ZGLP1: variants seen among roughly 807,000 people sequenced by gnomAD.
The protein encoded by ZGLP1 is zinc finger GATA like protein 1.
ZGLP1 carries 11 observed loss-of-function variants against 21.4 expected under a neutral mutation model. The observed-to-expected ratio is 0.51, with a 90% CI of 0.32 to 0.85. ZGLP1 has a LOEUF of 0.85. Among genes scored for constraint, ZGLP1 ranks in the 40% least tolerant of loss-of-function variants. ZGLP1 has a pLI of 0.03. For missense variants in ZGLP1, 295 were observed against 355.6 expected (o/e 0.83, Z 1.37); for synonymous variants, 148 against 145.0 (o/e 1.02, Z -0.15).
exon 4 of ZGLP1, chr19:10,304,893 A>T (rs953222740): frequency 1.7e-6 from 1 of 586,012 alleles, no homozygotes; most frequent in Non-Finnish European, 3.0e-6. Flanking sequence ...GCCAAGGCTG[A>T]CTGGAGAAGG....
At chr19:10,306,017 A>G (rs945577568) in intron 1 of ZGLP1, 65 bp from the exon 3 acceptor site, 2 of 1,226,748 alleles carry the variant, frequency 1.6e-6, no homozygotes, top group African/African-American at 3.0e-5. Flanking sequence ...AGCCCTCCGA[A>G]ATGAAGATTT....
chr19:10,306,592 T>C (rs2040281219), intron 1 of ZGLP1, among the ~76,000 whole-genome samples: 1 of 151,958 alleles, frequency 6.6e-6, no homozygotes, highest in Admixed American at 6.6e-5. Context: ...CTTTGAAAAT[T>C]TGATTTATTG....
Position 10,305,286 on chromosome 19 carries a change from C to A in ZGLP1, c.699-78G>T. The A allele has an allele frequency of 6.4e-7, 1 of 1,567,440 alleles. No individual in the cohort carries two copies. Reference sequence around the variant, plus strand: ...ACCGCCACAAGGAAACCACTTTTCCCAAGAGGTAGGTGTTTTGCTTTTTGC... The same window carrying A: ...ACCGCCACAAGGAAACCACTTTTCCAAAGAGGTAGGTGTTTTGCTTTTTGC... On this transcript the variant is annotated intron_variant, in intron 3 of 3. Coordinates refer to ENST00000403903, the Ensembl canonical transcript of ZGLP1. The surrounding 1 kb of genome is among the most constrained non-coding windows in gnomAD (Gnocchi z 4.7).
exon 1 of ZGLP1, chr19:10,308,663 C>G (rs1213691515): frequency 6.7e-7 from 1 of 1,496,862 alleles, no homozygotes; most frequent in East Asian, 2.3e-5. Context: ...GCTACACACC[C>G]CACCTGAGGT....
In ZGLP1 at chr19:10,305,335, A is replaced by G; in HGVS notation, c.698+55T>C. ...GCTTTCCCCACAGGCCATCCTGGTT[A>G]CACGTGGACTGATTTGGGGACCCCC... On this transcript the variant is annotated intron_variant, in intron 3 of 3. Transcript: ENST00000403903. This position sits in a 1 kb window ranked among gnomAD's most constrained non-coding sequence, Gnocchi z 4.7. The G allele has an allele frequency of 6.5e-7, 1 of 1,540,620 alleles. No individual in the cohort carries two copies. The highest frequency in any genetic ancestry group is 1.2e-5 in the South Asian group (1 of 85,724).
intron 1 of ZGLP1, among the ~76,000 whole-genome samples, chr19:10,307,882 A>G (rs1291455870): frequency 6.6e-6 from 1 of 152,206 alleles, no homozygotes; most frequent in East Asian, 1.9e-4. Context: ...TGTTGTCACT[A>G]CCAACAAATA....
At position 10,305,580 on chromosome 19, in the gene ZGLP1, A is replaced by G; in HGVS notation, c.605-97T>C. 9.4e-7 allele frequency: 1 copy of G among 1,060,262 alleles called. No individual in the cohort carries two copies. Among genetic ancestry groups the G allele is most frequent in the Non-Finnish European group, 1.4e-6 (1 of 708,384 alleles). 65.7% of individuals were successfully genotyped at this position (1,060,262 alleles called of 1,614,324 possible). A position where few individuals can be genotyped will look rare whatever the true frequency, so the allele number is the denominator to read the frequency against. ...GGGCATTTTGTGGGGGTCTCAGTAAAGGCCCCACCTAGCTCTGGATCAGCC... is the reference window on the plus strand; with the variant it reads ...GGGCATTTTGTGGGGGTCTCAGTAAGGGCCCCACCTAGCTCTGGATCAGCC... On this transcript the variant is annotated intron_variant, in intron 2 of 3. Coordinates refer to ENST00000403903, the Ensembl canonical transcript of ZGLP1. The surrounding 1 kb of genome is among the most constrained non-coding windows in gnomAD (Gnocchi z 4.7).
Position 10,305,769 on chromosome 19 carries a change from G to A in ZGLP1, c.604+77C>T. The A allele has an allele frequency of 8.4e-7, 1 of 1,191,088 alleles. No homozygotes were observed. The highest frequency in any genetic ancestry group is 1.2e-6 in the Non-Finnish European group (1 of 819,400). The allele number at this position is 1,191,088 out of a possible 1,614,324, so 73.8% of individuals were successfully genotyped here. On this transcript the variant is annotated intron_variant, in intron 2 of 3. Transcript: ENST00000403903. This position sits in a 1 kb window ranked among gnomAD's most constrained non-coding sequence, Gnocchi z 4.7. ...AATGGGGAAGCAAGATGGAGAAGGG[G>A]GGGGCAGGGAGAAAGGCAGGGAAGA...
At position 10,307,049 on chromosome 19, in the gene ZGLP1, G is replaced by A. The variant is rs558545204; in HGVS notation, c.498-1097C>T. On this transcript the variant is annotated intron_variant, in intron 1 of 3. Coordinates refer to ENST00000403903, the Ensembl canonical transcript of ZGLP1. ...CTCCAGAGGCTGAGGCAGGAGAATC[G>A]TTTGAATCCGGGAGGCAGAGGTTGC... Among the ~76,000 whole-genome samples, 13 of 151,226 alleles carry A rather than the reference G, an allele frequency of 8.6e-5. No homozygotes were observed. The South Asian group carries it at 2.3e-3, about 27-fold the overall frequency.
exon 1 of ZGLP1, chr19:10,308,414 G>C (rs760611115): frequency 1.2e-6 from 2 of 1,608,972 alleles, no homozygotes; most frequent in African/African-American, 1.3e-5. Flanking sequence ...AGGCGGCCCT[G>C]AGTCCCCAGA....
Position 10,306,877 on chromosome 19 carries a change from T to C in ZGLP1, c.498-925A>G, listed in dbSNP as rs534869349. On this transcript the variant is annotated intron_variant, in intron 1 of 3. Coordinates refer to ENST00000403903, the Ensembl canonical transcript of ZGLP1. ...CAGGCATGGTGGCGGCTCACTCCTGTAATCCCAACACTTTGGGAGGGCAAG... is the reference window on the plus strand; with the variant it reads ...CAGGCATGGTGGCGGCTCACTCCTGCAATCCCAACACTTTGGGAGGGCAAG... Among the ~76,000 whole-genome samples the C allele has an allele frequency of 3.3e-5, 5 of 152,178 alleles. No individual in the cohort carries two copies. The South Asian group carries it at 1.0e-3, about 32-fold the overall frequency.
intron 1 of ZGLP1, among the ~76,000 whole-genome samples, chr19:10,307,598 T>C (rs1461295391): frequency 2.6e-5 from 4 of 151,312 alleles, no homozygotes; most frequent in Non-Finnish European, 5.9e-5. Context: ...TACTGAAGAC[T>C]TCACCTCCTG....
At chr19:10,309,784 G>A (rs2040304541) in exon 1 of ZGLP1, 3 of 152,236 alleles carry the variant, frequency 2.0e-5, no homozygotes, top group Admixed American at 1.3e-4. Flanking sequence ...GGGCTCCCAG[G>A]CCTCTGCCTT....
rs1377171140 is a variant in ZGLP1, at chr19:10,305,724, A to T, written c.604+122T>A. The T allele has an allele frequency of 1.2e-6, 1 of 823,958 alleles. No individual in the cohort carries two copies. 51.0% of individuals were successfully genotyped at this position (823,958 alleles called of 1,614,324 possible). ...AGCCCAAGTGGAGGGGGGTGCTGCG[A>T]CTCCTCCCTGAGGGCTCTAAATGGG... On this transcript the variant is annotated intron_variant, in intron 2 of 3. Coordinates refer to ENST00000403903, the Ensembl canonical transcript of ZGLP1. This position sits in a 1 kb window ranked among gnomAD's most constrained non-coding sequence, Gnocchi z 4.7.
chr19:10,307,348 T>A (rs1163947137), intron 1 of ZGLP1, among the ~76,000 whole-genome samples: 1 of 17,668 alleles, frequency 5.7e-5, no homozygotes, highest in Non-Finnish European at 1.4e-4. Context: ...TCCCAAAGCT[T>A]TTTTTTTTTT....
chr19:10,305,894 C>A lies in ZGLP1; in HGVS notation c.556G>T (p.Ala186Ser), dbSNP rs967922538. ...TGGGCCTCGGTGCCTCCTGGGTGGG[C>A]TGCAGGGCCCCCAACAGCATCTGCA... Residue 186 changes from alanine to serine, a missense_variant, in exon 2 of 4, where the codon GCC (alanine) becomes TCC (serine). Ala to Ser is a moderately conservative substitution (Grantham distance 99, BLOSUM62 1). This residue lies in a region of ZGLP1 where 252 missense variants were observed against 264.0 expected (regional missense o/e 0.95). Transcript: ENST00000403903. The surrounding 1 kb of genome is among the most constrained non-coding windows in gnomAD (Gnocchi z 4.7). The A allele has an allele frequency of 6.4e-7, 1 of 1,564,702 alleles. No homozygotes were observed. The highest frequency in any genetic ancestry group is 1.3e-5 in the African/African-American group (1 of 74,122).
chr19:10,309,460 G>A (rs1448209986), exon 1 of ZGLP1: 2 of 152,664 alleles, frequency 1.3e-5, no homozygotes, highest in Non-Finnish European at 2.9e-5. Context: ...TGGCATTGAG[G>A]AGTCCGGGAT....
intron 1 of ZGLP1, among the ~76,000 whole-genome samples, chr19:10,307,127 C>T (rs1296964489): frequency 6.7e-6 from 1 of 149,426 alleles, no homozygotes; most frequent in Non-Finnish European, 1.5e-5. Context: ...GAGTGCAACT[C>T]CATCTCAAAA....
At chr19:10,308,143 G>A in intron 1 of ZGLP1, 42 bp downstream of exon 2, 1 of 1,508,888 alleles carries the variant, frequency 6.6e-7, no homozygotes, top group Non-Finnish European at 8.8e-7. Context: ...TGTTTGCGTT[G>A]TAACTGGGAG....
Sources: allele counts gnomAD v4.1 joint callset (sites outside exome capture counted in the v4.1 genomes callset), GRCh38; gene constraint gnomAD v4.1.1; regional missense constraint gnomAD v4.1.1; non-coding constraint Gnocchi (gnomAD v3.1); transcripts MANE v1.5; gene names NCBI Gene and HGNC (gene_info 2026-07-23, HGNC 2026-07-21).